The following CNGB3 variants were observed in gnomAD, a reference collection of about 807,000 sequenced individuals.
CNGB3 encodes the protein cyclic nucleotide-gated channel beta-3.
CNGB3 carries 86 observed loss-of-function variants against 92.8 expected under a neutral mutation model. The ratio of observed to expected loss-of-function variants is 0.93; its 90% CI spans 0.78 to 1.11. CNGB3 has a LOEUF of 1.11. CNGB3 is among the 50% of genes least tolerant of loss of function. The pLI, the probability that CNGB3 is intolerant of heterozygous loss-of-function variation, is 0.00. For synonymous variants in CNGB3, 333 were observed against 332.7 expected, an observed-to-expected ratio of 1.00 and a Z score of -0.01; for missense variants, 1,026 against 956.8, an observed-to-expected ratio of 1.07 and a Z score of -0.95.
intron 15 of CNGB3, among the ~76,000 whole-genome samples, chr8:86,597,927 G>A (rs781257641): frequency 2.0e-5 from 3 of 152,062 alleles, no homozygotes; most frequent in Non-Finnish European, 4.4e-5. Flanking sequence ...GCAGTCAGCC[G>A]AGATGGTGCC....
At chr8:86,649,425 C>G (rs1389464577) in intron 7 of CNGB3, among the ~76,000 whole-genome samples, 2 of 151,086 alleles carry the variant, frequency 1.3e-5, no homozygotes, top group Non-Finnish European at 3.0e-5. Flanking sequence ...GTTAGCAAAA[C>G]AGCATGGTAC....
intron 13 of CNGB3, among the ~76,000 whole-genome samples, chr8:86,618,738 A>T (rs1585972820): frequency 1.3e-5 from 2 of 152,380 alleles, no homozygotes; most frequent in East Asian, 3.9e-4. Flanking sequence ...AAGTTGGTAG[A>T]AATGAAACAC....
chr8:86,729,755 C>T (rs1458718901), intron 2 of CNGB3, among the ~76,000 whole-genome samples: 2 of 152,198 alleles, frequency 1.3e-5, no homozygotes, highest in Non-Finnish European at 2.9e-5. Flanking sequence ...GTGTTTGCAT[C>T]ATCCTCATCA....
At chr8:86,677,391 A>T (rs1011927262) in intron 3 of CNGB3, among the ~76,000 whole-genome samples, 3 of 152,222 alleles carry the variant, frequency 2.0e-5, no homozygotes, top group Non-Finnish European at 4.4e-5. Context: ...GTCGTAAGTT[A>T]AGAATCAAGG....
intron 3 of CNGB3, among the ~76,000 whole-genome samples, chr8:86,688,569 T>C (rs1824234425): frequency 6.6e-6 from 1 of 152,072 alleles, no homozygotes; most frequent in African/African-American, 2.4e-5. Context: ...TTCTGGAATT[T>C]ATCAATTTCT....
intron 10 of CNGB3, among the ~76,000 whole-genome samples, chr8:86,639,413 T>C (rs1823136908): frequency 6.6e-6 from 1 of 152,232 alleles, no homozygotes; most frequent in African/African-American, 2.4e-5. Flanking sequence ...TAAAAATGCC[T>C]TCTATTGATG....
At chr8:86,738,170 A>G (rs188206152) in intron 2 of CNGB3, among the ~76,000 whole-genome samples, 19 of 150,748 alleles carry the variant, frequency 1.3e-4, no homozygotes, top group African/African-American at 4.7e-4. Flanking sequence ...TTAACAAAGC[A>G]TATTCTGTTC....
At chr8:86,614,652 G>T (rs1456380561) in intron 13 of CNGB3, among the ~76,000 whole-genome samples, 1 of 152,142 alleles carries the variant, frequency 6.6e-6, no homozygotes, top group African/African-American at 2.4e-5. Flanking sequence ...TTCCTAGGGA[G>T]TGGCTATCTT....
intron 12 of CNGB3, among the ~76,000 whole-genome samples, chr8:86,628,438 A>C (rs1037161622): frequency 6.6e-6 from 1 of 152,096 alleles, no homozygotes; most frequent in African/African-American, 2.4e-5. Context: ...GTTAACCCCC[A>C]CTTGTTCAAG....
At chr8:86,610,258 CT>C (rs1034451816) in intron 14 of CNGB3, among the ~76,000 whole-genome samples, 4 of 151,986 alleles carry the variant, frequency 2.6e-5, no homozygotes, top group Non-Finnish European at 4.4e-5. Context: ...CAAGAACCAT[CT>C]TTTTTTTGCT....
At chr8:86,600,188 T>A (rs1822261725) in intron 15 of CNGB3, among the ~76,000 whole-genome samples, 2 of 152,316 alleles carry the variant, frequency 1.3e-5, no homozygotes, top group South Asian at 4.1e-4. Flanking sequence ...AATTGCCAGA[T>A]CCAAAGGATG....
At chr8:86,636,819 C>T (rs1290411607) in intron 10 of CNGB3, among the ~76,000 whole-genome samples, 1 of 152,070 alleles carries the variant, frequency 6.6e-6, no homozygotes, top group Non-Finnish European at 1.5e-5. Flanking sequence ...TTAGATTCCA[C>T]ATACAAGTGA....
intron 13 of CNGB3, among the ~76,000 whole-genome samples, chr8:86,613,658 T>A (rs1480935285): frequency 6.6e-6 from 1 of 152,056 alleles, no homozygotes; most frequent in Non-Finnish European, 1.5e-5. Flanking sequence ...AAGACCCACT[T>A]ATATTCGTTT....
chr8:86,594,695 T>TTTTGTTTGTTTGTTTGTTTGTTTG (rs59438172), intron 15 of CNGB3: 2 of 166,178 alleles, frequency 1.2e-5, no homozygotes, highest in African/African-American at 4.9e-5. Context: ...TAGACAGCTT[T>TTTTGTTTGTTTGTTTGTTTGTTTG]TTTGTTTGTT....
At chr8:86,608,528 T>A (rs1822454825) in intron 14 of CNGB3, among the ~76,000 whole-genome samples, 1 of 152,182 alleles carries the variant, frequency 6.6e-6, no homozygotes, top group Non-Finnish European at 1.5e-5. Context: ...GGACCTGACA[T>A]CAGTCAGGCT....
chr8:86,687,009 T>C (rs1009537891), intron 3 of CNGB3, among the ~76,000 whole-genome samples: 42 of 152,196 alleles, frequency 2.8e-4, no homozygotes, highest in Admixed American at 7.2e-4. Context: ...ATTAGCTTCA[T>C]AGTAAAGTCA....
chr8:86,585,847 T>G (rs1188794980), intron 15 of CNGB3, among the ~76,000 whole-genome samples: 1 of 152,208 alleles, frequency 6.6e-6, no homozygotes, highest in Non-Finnish European at 1.5e-5. Context: ...CACTTTCAAG[T>G]AAAGTTCAGT....
chr8:86,642,930 A>G (rs1254489063), intron 10 of CNGB3, among the ~76,000 whole-genome samples: 1 of 151,534 alleles, frequency 6.6e-6, no homozygotes, highest in Non-Finnish European at 1.5e-5. Flanking sequence ...TTCACTGGTA[A>G]ACTAATTAGC....
At chr8:86,616,048 C>T (rs1489589574) in intron 13 of CNGB3, among the ~76,000 whole-genome samples, 3 of 152,174 alleles carry the variant, frequency 2.0e-5, no homozygotes, top group African/African-American at 7.2e-5. Flanking sequence ...GTGAGACCAA[C>T]CTAGGAGACA....
Sources: gnomAD v4.1 joint callset for allele counts (sites outside exome capture counted in the v4.1 genomes callset) on GRCh38, gnomAD v4.1.1 for gene constraint, MANE v1.5 for transcripts, NCBI Gene and HGNC (gene_info 2026-07-23, HGNC 2026-07-21) for gene names.